CDH12: variants seen among roughly 807,000 people sequenced by gnomAD.
CDH12 encodes cadherin 12, also known as cadherin-12.
A neutral mutation model predicts 74.1 loss-of-function variants in CDH12; 41 were observed. The observed-to-expected ratio is 0.55, with a 90% CI of 0.43 to 0.72. The LOEUF (loss-of-function observed/expected upper bound fraction) is 0.72. Ranked by LOEUF, CDH12 falls within the 30% of genes least tolerant of loss-of-function variation. The pLI is 0.00. For missense variants in CDH12, 945 were observed against 977.2 expected (o/e 0.97, Z 0.44); for synonymous variants, 399 against 355.0 (o/e 1.12, Z -1.39).
rs112708284 is a variant in CDH12 at position 22,244,447 on chromosome 5, A to T, written c.-332-31804T>A. 2.1e-3 allele frequency among the ~76,000 whole-genome samples: 267 copies of T among 125,564 alleles called. 1 individual carries two copies. The highest frequency in any genetic ancestry group is 5.2e-3 in the Admixed American group (53 of 10,186). 82.4% of individuals were successfully genotyped at this position (125,564 alleles called of 152,430 possible). ...GAGGCGGAGGTTGCAGTGAGCCAGG[A>T]TTGCACCACTTCACTCCAGGGTGGA... is the stretch of plus-strand genomic sequence containing the variant. On this transcript the variant is annotated intron_variant, in intron 3 of 14. Coordinates refer to ENST00000382254, the MANE Select transcript of CDH12 (RefSeq NM_004061.5).
intron 6 of CDH12, among the ~76,000 whole-genome samples, chr5:21,859,346 G>A (rs1361737235): frequency 1.3e-5 from 2 of 151,792 alleles, no homozygotes; most frequent in African/African-American, 4.8e-5. Flanking sequence ...AAGCAAAGGG[G>A]AAAAAGCCCC....
intron 3 of CDH12, among the ~76,000 whole-genome samples, chr5:22,260,832 T>C (rs916702928): frequency 2.0e-5 from 3 of 151,976 alleles, no homozygotes; most frequent in African/African-American, 7.2e-5. Flanking sequence ...CAAATTGTCT[T>C]TTTATAAGTG....
In CDH12 at chr5:22,035,070, T is replaced by C. The variant is rs2150177237; in HGVS notation, c.231+43376A>G. ...ACGTTTTTTCACTTCAAGTTGTGGT[T>C]TCTAAGAACGTGTCAATGATGTTAA... On this transcript the variant is annotated intron_variant, in intron 5 of 14. Transcript: ENST00000382254. 1.3e-5 allele frequency among the ~76,000 whole-genome samples: 2 copies of C among 152,308 alleles called. 1 individual carries two copies. Among genetic ancestry groups the C allele is most frequent in the East Asian group, 3.9e-4 (2 of 5,184 alleles).
chr5:22,153,107 T>C (rs1747710850), intron 4 of CDH12, among the ~76,000 whole-genome samples: 1 of 152,084 alleles, frequency 6.6e-6, no homozygotes, highest in Non-Finnish European at 1.5e-5. Flanking sequence ...GTGATTTATT[T>C]TTCTTTGGAT....
In CDH12 at chr5:21,925,116, A is replaced by G. The variant is rs1177068137; in HGVS notation, c.526+49975T>C. 2.0e-5 allele frequency among the ~76,000 whole-genome samples: 3 copies of G among 152,328 alleles called. No homozygotes were observed. In the South Asian group the frequency reaches 6.2e-4, roughly 32 times the overall value. ...CTACAGCGTTACTACAGCAGCAAAG[A>G]TGGGAAGATCAAATTCTGAATATTC... is the stretch of plus-strand genomic sequence containing the variant. On this transcript the variant is annotated intron_variant, in intron 6 of 14. Coordinates refer to ENST00000382254, the MANE Select transcript of CDH12 (RefSeq NM_004061.5).
At chr5:22,538,375 C>G (rs1737956594) in intron 1 of CDH12, among the ~76,000 whole-genome samples, 1 of 152,202 alleles carries the variant, frequency 6.6e-6, no homozygotes, top group South Asian at 2.1e-4. Context: ...CCACCAACCT[C>G]CCCAAACATT....
intron 1 of CDH12, among the ~76,000 whole-genome samples, chr5:22,755,346 G>A (rs1745836178): frequency 6.6e-6 from 1 of 152,022 alleles, no homozygotes. Flanking sequence ...TTAGTTTCCT[G>A]TAACTGATGG....
rs949588004 is a variant in CDH12, at chr5:22,405,292, T to G, written c.-368A>C. On this transcript the variant is annotated 5_prime_UTR_variant, in exon 3 of 15. Transcript: ENST00000382254. Reference sequence around the variant, plus strand: ...CAATTTATTTTCTAAGGCCAGCTTATGTATCTCAAATTGTTTTGACCTCCA... The same window carrying G: ...CAATTTATTTTCTAAGGCCAGCTTAGGTATCTCAAATTGTTTTGACCTCCA... The G allele has an allele frequency of 2.0e-6, 2 of 978,830 alleles. No homozygotes were observed. The highest frequency in any genetic ancestry group is 3.5e-5 in the African/African-American group (2 of 57,144). 60.6% of individuals were successfully genotyped at this position (978,830 alleles called of 1,614,324 possible). A position where few individuals can be genotyped will look rare whatever the true frequency, so the allele number is the denominator to read the frequency against.
chr5:22,144,859 G>A (rs779884885), intron 4 of CDH12, among the ~76,000 whole-genome samples: 5 of 151,814 alleles, frequency 3.3e-5, no homozygotes, highest in African/African-American at 9.7e-5. Context: ...CATAAAATAC[G>A]CATGTTGTAA....
intron 1 of CDH12, among the ~76,000 whole-genome samples, chr5:22,693,798 A>G (rs1489477779): frequency 6.6e-6 from 1 of 152,118 alleles, no homozygotes; most frequent in East Asian, 1.9e-4. Context: ...TATACAAATG[A>G]GGAGTATTTA....
At chr5:21,931,960 T>C (rs1754859431) in intron 6 of CDH12, among the ~76,000 whole-genome samples, 1 of 152,188 alleles carries the variant, frequency 6.6e-6, no homozygotes, top group Admixed American at 6.5e-5. Flanking sequence ...ACTTGAAAGG[T>C]GGACCCTGGG....
At chr5:22,508,035 G>A (rs1736457260) in intron 1 of CDH12, among the ~76,000 whole-genome samples, 1 of 152,132 alleles carries the variant, frequency 6.6e-6, no homozygotes, top group South Asian at 2.1e-4. Flanking sequence ...AAGAATGCAT[G>A]TGTTTATAAT....
intron 6 of CDH12, among the ~76,000 whole-genome samples, chr5:21,956,627 A>C (rs969807304): frequency 2.0e-5 from 3 of 152,014 alleles, no homozygotes; most frequent in Non-Finnish European, 4.4e-5. Flanking sequence ...TCCTCTATGG[A>C]CACCAAGGCT....
rs201773616 is a variant in CDH12, at chr5:22,693,930, A to AT, written c.-523+159127dup. Among the ~76,000 whole-genome samples the AT allele has an allele frequency of 2.2e-3, 337 of 151,858 alleles. 4 individuals are homozygous for AT. The highest frequency in any genetic ancestry group is 7.9e-3 in the African/African-American group (326 of 41,446). On this transcript the variant is annotated intron_variant, in intron 1 of 14. Transcript: ENST00000382254. ...GTTATTTCATCAATTTAAAAAAAAAATTATTTATTTATTTATTTGTTTATT... is the reference window on the plus strand; with the variant it reads ...GTTATTTCATCAATTTAAAAAAAAAATTTATTTATTTATTTATTTGTTTATT...
intron 10 of CDH12, among the ~76,000 whole-genome samples, chr5:21,797,977 C>T (rs1746884899): frequency 6.6e-6 from 1 of 151,962 alleles, no homozygotes; most frequent in African/African-American, 2.4e-5. Flanking sequence ...TATGTAAATT[C>T]TTATTTATTG....
chr5:22,803,549 A>G (rs1748639336), intron 1 of CDH12, among the ~76,000 whole-genome samples: 1 of 152,206 alleles, frequency 6.6e-6, no homozygotes. Context: ...GGAGCTTTTA[A>G]GCCTCCTCCC....
At chr5:22,723,749 G>C (rs1471790830) in intron 1 of CDH12, among the ~76,000 whole-genome samples, 1 of 152,018 alleles carries the variant, frequency 6.6e-6, no homozygotes. Context: ...AGTGGAGAAG[G>C]AGAAGGAGGT....
At chr5:21,993,297 CCT>C (rs1736070042) in intron 5 of CDH12, among the ~76,000 whole-genome samples, 1 of 152,108 alleles carries the variant, frequency 6.6e-6, no homozygotes, top group Admixed American at 6.6e-5. Context: ...ATTTCTCTCC[CCT>C]GAGTGTCCAT....
At chr5:22,138,873 T>TATATATATATATATATATATAC (rs1561151408) in intron 4 of CDH12, among the ~76,000 whole-genome samples, 3 of 139,414 alleles carry the variant, frequency 2.2e-5, no homozygotes, top group Non-Finnish European at 4.7e-5. Flanking sequence ...TATATATATA[T>TATATATATATATATATATATAC]ATACATGTTG....
Sources: gnomAD v4.1 joint callset for allele counts (sites outside exome capture counted in the v4.1 genomes callset) on GRCh38, gnomAD v4.1.1 for gene constraint, MANE v1.5 for transcripts, NCBI Gene and HGNC (gene_info 2026-07-23, HGNC 2026-07-21) for gene names.